COPE: variants seen among roughly 807,000 people sequenced by gnomAD.
COPE encodes coat protein complex I subunit epsilon, also known as coatomer subunit epsilon.
A neutral mutation model predicts 42.1 loss-of-function variants in COPE; 19 were observed. The ratio of observed to expected loss-of-function variants is 0.45; its 90% CI spans 0.31 to 0.66. The LOEUF (loss-of-function observed/expected upper bound fraction) is 0.66, where lower values mean the gene tolerates loss of function less well. COPE is among the 30% of genes least tolerant of loss of function. COPE has a pLI of 0.05. For synonymous variants in COPE, 195 were observed against 181.3 expected, an observed-to-expected ratio of 1.08 and a Z score of -0.60; for missense variants, 402 against 416.1, an observed-to-expected ratio of 0.97 and a Z score of 0.30.
chr19:18,903,555 C>T, intron 6 of COPE, 132 bp from the exon 7 acceptor site: 1 of 1,072,532 alleles, frequency 9.3e-7, no homozygotes, highest in Non-Finnish European at 1.3e-6. Context: ...CAAGGCACAG[C>T]CACTCCGCCA....
At chr19:18,905,128 G>A (rs2056746457) in intron 5 of COPE, among the ~76,000 whole-genome samples, 1 of 152,156 alleles carries the variant, frequency 6.6e-6, no homozygotes, top group Non-Finnish European at 1.5e-5. Context: ...AGGATGGAAC[G>A]CAGGGAAGGG....
chr19:18,902,825 G>GAAAGAAAGAAAGAAAGAAAGAAAGAAAGA (rs373721731), intron 7 of COPE, among the ~76,000 whole-genome samples: 3 of 28,636 alleles, frequency 1.0e-4, no homozygotes, highest in Non-Finnish European at 6.7e-5. Context: ...AGGAAGGAAG[G>GAAAGAAAGAAAGAAAGAAAGAAAGAAAGA]AAGAAAAGAC....
chr19:18,902,767 G>A (rs1350924509), intron 7 of COPE, among the ~76,000 whole-genome samples: 588 of 28,850 alleles, frequency 0.02, 107 homozygotes, highest in African/African-American at 0.099. Context: ...AAGGAAGGAA[G>A]GGAAAGAAGG....
chr19:18,919,192 C>G, intron 1 of COPE, 31 bp downstream of exon 1: 11 of 1,591,024 alleles, frequency 6.9e-6, no homozygotes, highest in Non-Finnish European at 9.4e-6. Context: ...GCCTCCGCCC[C>G]CAGCGTCCCC....
intron 3 of COPE, among the ~76,000 whole-genome samples, chr19:18,908,793 A>G (rs2056784015): frequency 6.6e-6 from 1 of 152,038 alleles, no homozygotes. Flanking sequence ...CTGGGATTAC[A>G]GGTGTGAGCC....
chr19:18,911,392 C>A (rs754701586), intron 2 of COPE: 3 of 360,618 alleles, frequency 8.3e-6, no homozygotes, highest in Non-Finnish European at 1.1e-5. Context: ...AGGGCAGCAG[C>A]AGTTATGGGG....
intron 8 of COPE, 73 bp from the exon 9 acceptor site, chr19:18,900,020 G>T: frequency 7.5e-7 from 1 of 1,338,748 alleles, no homozygotes; most frequent in Non-Finnish European, 1.0e-6. Flanking sequence ...CTGGACAGGG[G>T]TGGATTGGGG....
intron 6 of COPE, among the ~76,000 whole-genome samples, chr19:18,903,630 C>A (rs1480975587): frequency 1.3e-5 from 2 of 152,246 alleles, no homozygotes; most frequent in Admixed American, 1.3e-4. Context: ...CCTCCTGCCC[C>A]ACCTCCCACC....
At chr19:18,905,952 T>A (rs2056755361) in intron 4 of COPE, 1 of 494,224 alleles carries the variant, frequency 2.0e-6, no homozygotes, top group Non-Finnish European at 3.5e-6. Flanking sequence ...GCATCAACAC[T>A]CAGGAACAAG....
rs200131883 is a variant in COPE at position 18,913,025 on chromosome 19, C to T, written c.148G>A (p.Val50Met). 7 of 1,611,828 alleles carry T rather than the reference C, an allele frequency of 4.3e-6. No individual in the cohort carries two copies. The highest frequency in any genetic ancestry group is 2.2e-5 in the South Asian group (2 of 91,090). The change falls in exon 2 of 10, where the codon GTG (valine) becomes ATG (methionine). Residue 50 changes from valine (V) to methionine (M), a missense_variant. Val to Met is a conservative substitution (Grantham distance 21, BLOSUM62 1). Coordinates refer to ENST00000262812, the MANE Select transcript of COPE (RefSeq NM_007263.4). ...RVKLSSPERDVERDVFLYRAY... is the reference protein window; with the variant it reads ...RVKLSSPERDMERDVFLYRAY... ...CTATACAGGAAGACGTCCCTCTCCACGTCTCTCTCTGGGCTTGATAGCTGT... is the reference window on the plus strand; with the variant it reads ...CTATACAGGAAGACGTCCCTCTCCATGTCTCTCTCTGGGCTTGATAGCTGT...
chr19:18,906,621 A>T (rs940049609), intron 4 of COPE: 2 of 215,642 alleles, frequency 9.3e-6, no homozygotes, highest in Non-Finnish European at 1.8e-5. Context: ...GGGCCCGGGG[A>T]GGCCTGAGAG....
intron 2 of COPE, among the ~76,000 whole-genome samples, chr19:18,911,708 C>T (rs972578675): frequency 3.9e-5 from 6 of 152,090 alleles, no homozygotes; most frequent in East Asian, 1.9e-4. Context: ...CCCGCCACCA[C>T]GCCCGGCTAA....
At chr19:18,915,019 C>T (rs1473824550) in intron 1 of COPE, among the ~76,000 whole-genome samples, 1 of 151,978 alleles carries the variant, frequency 6.6e-6, no homozygotes, top group Non-Finnish European at 1.5e-5. Flanking sequence ...AGCCACCGTG[C>T]CCGGTCTGAG....
chr19:18,910,894 C>T, intron 3 of COPE, 77 bp downstream of exon 3: 2 of 1,301,838 alleles, frequency 1.5e-6, no homozygotes, highest in Non-Finnish European at 2.2e-6. Context: ...GCCATGCCCC[C>T]ACCCACCCAG....
intron 1 of COPE, among the ~76,000 whole-genome samples, chr19:18,913,371 G>A (rs1186463672): frequency 6.6e-6 from 1 of 152,234 alleles, no homozygotes; most frequent in Non-Finnish European, 1.5e-5. Flanking sequence ...ACTGTGGCTT[G>A]ATTCTGTTCT....
chr19:18,903,348 GCAGCAGCAGGGTGGGCGAGCACTTGT>G lies in COPE; in HGVS notation c.629_654del (p.Asp210AlafsTer18), dbSNP rs1292077266. 6.2e-7 allele frequency: 1 copy of G among 1,612,760 alleles called. No individual in the cohort carries two copies. Among genetic ancestry groups the G allele is most frequent in the African/African-American group, 1.3e-5 (1 of 75,006 alleles). ...ATGTGGCAGGCCGCCTGCCCATTGAGCAGCAGCAGGGTGGGCGAGCACTTGTCAGCCATCTCCTGGAAGATGTAGTA... is the reference window on the plus strand; with the variant it reads ...ATGTGGCAGGCCGCCTGCCCATTGAGCAGCCATCTCCTGGAAGATGTAGTA... On this transcript the variant is annotated frameshift_variant, in exon 7 of 10. Coordinates refer to ENST00000262812, the MANE Select transcript of COPE (RefSeq NM_007263.4). LOFTEE classifies it high-confidence loss of function.
chr19:18,907,388 C>T (rs2056770776), intron 3 of COPE, among the ~76,000 whole-genome samples: 2 of 152,306 alleles, frequency 1.3e-5, no homozygotes, highest in South Asian at 4.1e-4. Flanking sequence ...TCACACCAAC[C>T]TCACCCGCCT....
At chr19:18,905,981 G>A (rs1045282148) in intron 4 of COPE, 9 of 448,662 alleles carry the variant, frequency 2.0e-5, no homozygotes, top group South Asian at 5.2e-5. Context: ...GGAGGGCCAC[G>A]CACCCGCCCC....
At chr19:18,908,662 A>G (rs2056782821) in intron 3 of COPE, among the ~76,000 whole-genome samples, 1 of 149,938 alleles carries the variant, frequency 6.7e-6, no homozygotes, top group Non-Finnish European at 1.5e-5. Context: ...GACTACAGGC[A>G]CCCGCCACCA....
Sources: gnomAD v4.1 joint callset for allele counts (sites outside exome capture counted in the v4.1 genomes callset) on GRCh38, gnomAD v4.1.1 for gene constraint, MANE v1.5 for transcripts, NCBI Gene and HGNC (gene_info 2026-07-23, HGNC 2026-07-21) for gene names.